XYLT1: variants seen among roughly 807,000 people sequenced by gnomAD.
XYLT1 encodes xylosyltransferase 1, also known as beta-D-xylosyltransferase 1.
A neutral mutation model predicts 91.3 loss-of-function variants in XYLT1; 36 were observed. The ratio of observed to expected loss-of-function variants is 0.39; its 90% CI spans 0.30 to 0.52. The LOEUF is 0.52. XYLT1 is among the 20% of genes least tolerant of loss of function. The pLI is 0.68. For synonymous variants in XYLT1, 588 were observed against 532.0 expected (o/e 1.11, Z -1.45); for missense variants, 1,242 against 1,284.5 (o/e 0.97, Z 0.51).
intron 2 of XYLT1, among the ~76,000 whole-genome samples, chr16:17,271,087 G>C (rs920791318): frequency 1.3e-5 from 2 of 152,202 alleles, no homozygotes; most frequent in Non-Finnish European, 2.9e-5. Flanking sequence ...AACCATGTCT[G>C]TTTTGGAACA....
At chr16:17,231,884 A>G (rs2033161490) in intron 3 of XYLT1, among the ~76,000 whole-genome samples, 2 of 151,962 alleles carry the variant, frequency 1.3e-5, no homozygotes, top group Admixed American at 1.3e-4. Flanking sequence ...ATGAAGGTGT[A>G]GGACATTACT....
At chr16:17,386,123 T>G (rs1448815676) in intron 1 of XYLT1, among the ~76,000 whole-genome samples, 1 of 152,136 alleles carries the variant, frequency 6.6e-6, no homozygotes, top group Non-Finnish European at 1.5e-5. Context: ...AAAAATCACT[T>G]ATGTAACAGC....
intron 2 of XYLT1, among the ~76,000 whole-genome samples, chr16:17,273,357 T>C (rs2033923896): frequency 6.6e-6 from 1 of 152,194 alleles, no homozygotes; most frequent in African/African-American, 2.4e-5. Flanking sequence ...GAATTCTCAC[T>C]GACTCAATAC....
chr16:17,249,375 C>T (rs1596447688), intron 3 of XYLT1, among the ~76,000 whole-genome samples: 1 of 152,324 alleles, frequency 6.6e-6, no homozygotes, highest in East Asian at 1.9e-4. Flanking sequence ...ACCACGTTAT[C>T]TTCTTTCCCA....
At chr16:17,231,186 G>C (rs1196713691) in intron 3 of XYLT1, among the ~76,000 whole-genome samples, 2 of 152,198 alleles carry the variant, frequency 1.3e-5, no homozygotes, top group African/African-American at 4.8e-5. Flanking sequence ...AACTTGCTTT[G>C]CATTTGTTTA....
At chr16:17,437,928 T>C (rs1267322822) in intron 1 of XYLT1, among the ~76,000 whole-genome samples, 1 of 152,190 alleles carries the variant, frequency 6.6e-6, no homozygotes, top group Non-Finnish European at 1.5e-5. Flanking sequence ...GGATCATACA[T>C]ACTTACCAAC....
rs1460541837 is a variant in XYLT1, at chr16:17,134,745, T to C, written c.1765-10A>G. On this transcript the variant is annotated splice_polypyrimidine_tract_variant and intron_variant, in intron 8 of 11. Transcript: ENST00000261381. ...TAGGCCGGGCTGTCTGCTGTACTCA[T>C]GGGATTAAAAATAGAAAAGCCACAT... 1.2e-6 allele frequency: 2 copies of C among 1,612,498 alleles called. No individual in the cohort carries two copies. The highest frequency in any genetic ancestry group is 8.5e-7 in the Non-Finnish European group (1 of 1,178,748).
chr16:17,286,251 T>C (rs768240060), intron 2 of XYLT1, among the ~76,000 whole-genome samples: 3 of 152,122 alleles, frequency 2.0e-5, no homozygotes, highest in Non-Finnish European at 4.4e-5. Flanking sequence ...CCACACTTAC[T>C]TGAAGGGGTA....
chr16:17,433,533 A>G (rs1186645444), intron 1 of XYLT1, among the ~76,000 whole-genome samples: 2 of 152,310 alleles, frequency 1.3e-5, no homozygotes, highest in African/African-American at 4.8e-5. Context: ...ACAAACACGC[A>G]TGATGGTAGC....
At chr16:17,390,702 CT>C (rs1248824645) in intron 1 of XYLT1, among the ~76,000 whole-genome samples, 1 of 152,156 alleles carries the variant, frequency 6.6e-6, no homozygotes, top group Non-Finnish European at 1.5e-5. Context: ...ACTAAACCAC[CT>C]TTGTAAAGCT....
Position 17,470,446 on chromosome 16 carries a change from G to A in XYLT1, c.351C>T (p.Pro117=), listed in dbSNP as rs1389427879. ...GQQPASRGAL[P]ARALDPHPSP... ...AAGGGCATCTTACCAGAGCCCGGGC[G>A]GGCAGTGCCCCCCGGCTGGCCGGCT... The change falls in exon 1 of 12, where the codon CCC becomes CCT. Residue 117 remains proline (P), a synonymous_variant. Coordinates refer to ENST00000261381, the MANE Select transcript of XYLT1 (RefSeq NM_022166.4). 1.4e-5 allele frequency: 17 copies of A among 1,231,200 alleles called. No homozygotes were observed. The highest frequency in any genetic ancestry group is 2.0e-6 in the Non-Finnish European group (2 of 987,376). The allele number at this position is 1,231,200 out of a possible 1,614,324, so 76.3% of individuals were successfully genotyped here.
In XYLT1 at chr16:17,229,837, G is replaced by T. The variant is rs556879677; in HGVS notation, c.913+29151C>A. 3.9e-5 allele frequency among the ~76,000 whole-genome samples: 6 copies of T among 152,342 alleles called. No homozygotes were observed. In the South Asian group the frequency reaches 1.2e-3, roughly 32 times the overall value. Reference sequence around the variant, plus strand: ...TCATGTCCACTCAGAATCTCAGAATGTGATCTTATTTAGAAATACAGTCTC... The same window carrying T: ...TCATGTCCACTCAGAATCTCAGAATTTGATCTTATTTAGAAATACAGTCTC... On this transcript the variant is annotated intron_variant, in intron 3 of 11. Transcript: ENST00000261381.
At chr16:17,389,853 T>G (rs1001625779) in intron 1 of XYLT1, among the ~76,000 whole-genome samples, 1 of 152,170 alleles carries the variant, frequency 6.6e-6, no homozygotes, top group Non-Finnish European at 1.5e-5. Flanking sequence ...TGTTTTAAAT[T>G]TACCGACAGC....
At chr16:17,129,369 C>T (rs1188417489) in intron 9 of XYLT1, among the ~76,000 whole-genome samples, 1 of 152,200 alleles carries the variant, frequency 6.6e-6, no homozygotes, top group East Asian at 1.9e-4. Flanking sequence ...TCAAGCGATT[C>T]TCCTGACTCA....
In XYLT1 at chr16:17,225,177, A is replaced by ACACACTCT. The variant is rs150256998; in HGVS notation, c.914-24524_914-24523insAGAGTGTG. On this transcript the variant is annotated intron_variant, in intron 3 of 11. Coordinates refer to ENST00000261381, the MANE Select transcript of XYLT1 (RefSeq NM_022166.4). Reference sequence around the variant, plus strand: ...TACACACACACACACACACACACACACTCTCTCTCTCTCTATTTATAATTG... The same window carrying ACACACTCT: ...TACACACACACACACACACACACACACACACTCTCTCTCTCTCTCTCTATTTATAATTG... Among the ~76,000 whole-genome samples the ACACACTCT allele has an allele frequency of 8.9e-3, 1,309 of 147,454 alleles. 11 individuals are homozygous for ACACACTCT. The highest frequency in any genetic ancestry group is 0.021 in the Middle Eastern group (6 of 292).
intron 1 of XYLT1, among the ~76,000 whole-genome samples, chr16:17,445,546 T>C (rs1278030237): frequency 6.6e-6 from 1 of 152,202 alleles, no homozygotes; most frequent in Non-Finnish European, 1.5e-5. Flanking sequence ...CGGGCTCACC[T>C]GGGCTGCGTG....
chr16:17,336,307 A>C (rs1164702010), intron 2 of XYLT1, among the ~76,000 whole-genome samples: 1 of 152,216 alleles, frequency 6.6e-6, no homozygotes, highest in Non-Finnish European at 1.5e-5. Context: ...CCAAGCCCCC[A>C]CGGCGGTTCC....
chr16:17,299,524 G>C (rs764091256), intron 2 of XYLT1, among the ~76,000 whole-genome samples: 17 of 152,120 alleles, frequency 1.1e-4, no homozygotes, highest in Non-Finnish European at 2.1e-4. Context: ...AATTACAGAC[G>C]ACGCTGCTGC....
At chr16:17,449,757 A>C (rs1029867004) in intron 1 of XYLT1, among the ~76,000 whole-genome samples, 1 of 152,212 alleles carries the variant, frequency 6.6e-6, no homozygotes, top group Admixed American at 6.5e-5. Context: ...GGTGGACCTT[A>C]AGGTGCCATC....
Sources: allele counts gnomAD v4.1 joint callset (sites outside exome capture counted in the v4.1 genomes callset), GRCh38; gene constraint gnomAD v4.1.1; transcripts MANE v1.5; gene names NCBI Gene and HGNC (gene_info 2026-07-23, HGNC 2026-07-21).